JAK1: variants seen among roughly 807,000 people sequenced by gnomAD.
The protein encoded by JAK1 is Janus kinase 1, also known as tyrosine-protein kinase JAK1.
A neutral mutation model predicts 136.6 loss-of-function variants in JAK1; 16 were observed. That is an observed-to-expected ratio of 0.12 (90% CI 0.08 to 0.18). JAK1 has a LOEUF of 0.18. JAK1 is among the 10% of genes least tolerant of loss of function. The pLI is 1.00. For synonymous variants in JAK1, 492 were observed against 519.5 expected, an observed-to-expected ratio of 0.95 and a Z score of 0.72; for missense variants, 859 against 1,450.1, an observed-to-expected ratio of 0.59 and a Z score of 6.62.
At chr1:64,985,408 A>G in intron 2 of JAK1, 1 of 1,610,244 alleles carries the variant, frequency 6.2e-7, no homozygotes, top group East Asian at 2.2e-5. Flanking sequence ...TGGGTGCCCC[A>G]CAACCACTGG....
intron 1 of JAK1, among the ~76,000 whole-genome samples, chr1:64,890,848 C>A (rs765484752): frequency 6.6e-6 from 1 of 152,160 alleles, no homozygotes; most frequent in Non-Finnish European, 1.5e-5. Context: ...TCAGATGACA[C>A]AGCAAAGCAG....
chr1:64,948,115 T>A (rs559977524), intron 1 of JAK1, among the ~76,000 whole-genome samples: 28 of 152,296 alleles, frequency 1.8e-4, no homozygotes, highest in African/African-American at 6.5e-4. Context: ...AGAACTGAGA[T>A]CTTCGATGCA....
Position 64,920,204 on chromosome 1 carries a change from G to A in JAK1, c.-77-33863C>T, listed in dbSNP as rs368334238. On this transcript the variant is annotated intron_variant, in intron 1 of 24. Coordinates refer to ENST00000342505, the MANE Select transcript of JAK1 (RefSeq NM_002227.4). ...AAGTATTTCCAAATCTGAAATTGAC[G>A]GAAACAGGGAAAAGTGGCTTACACA... Among the ~76,000 whole-genome samples the A allele has an allele frequency of 2.4e-4, 36 of 152,166 alleles. 5 individuals carry two copies. Among genetic ancestry groups the A allele is most frequent in the Admixed American group, 3.9e-4 (6 of 15,272 alleles).
chr1:65,043,964 C>T (rs1647160364), intron 2 of JAK1, among the ~76,000 whole-genome samples: 1 of 152,044 alleles, frequency 6.6e-6, no homozygotes, highest in Admixed American at 6.6e-5. Context: ...TCAAGTGATC[C>T]ACCCGCCTTG....
intron 5 of JAK1, among the ~76,000 whole-genome samples, chr1:64,872,645 T>C (rs1657140461): frequency 6.6e-6 from 1 of 152,196 alleles, no homozygotes; most frequent in Non-Finnish European, 1.5e-5. Context: ...CTGAGGCAAA[T>C]AGTACGCAGA....
At chr1:65,022,265 C>G (rs1569894809) in intron 2 of JAK1, among the ~76,000 whole-genome samples, 2 of 151,998 alleles carry the variant, frequency 1.3e-5, no homozygotes, top group Non-Finnish European at 2.9e-5. Context: ...GTGTAATGTC[C>G]CCTCTCCTTT....
intron 6 of JAK1, among the ~76,000 whole-genome samples, chr1:64,868,174 G>A (rs310236): frequency 6.6e-6 from 1 of 152,094 alleles, no homozygotes; most frequent in Admixed American, 6.5e-5. Flanking sequence ...TAGTGGGCGA[G>A]TATCTACAAC....
chr1:64,902,611 T>TGTGTGTG (rs1645128538), intron 1 of JAK1, among the ~76,000 whole-genome samples: 12 of 149,310 alleles, frequency 8.0e-5, no homozygotes, highest in South Asian at 4.3e-4. Flanking sequence ...TGTGTGTGTG[T>TGTGTGTG]TATGGCATGT....
At chr1:64,912,163 A>T (rs999141968) in intron 1 of JAK1, among the ~76,000 whole-genome samples, 5 of 152,156 alleles carry the variant, frequency 3.3e-5, no homozygotes, top group African/African-American at 1.2e-4. Flanking sequence ...CCCTACATCC[A>T]TCAGGGTCTC....
chr1:64,977,035 G>A (rs77742161), intron 2 of JAK1, among the ~76,000 whole-genome samples: 1 of 152,286 alleles, frequency 6.6e-6, no homozygotes, highest in Non-Finnish European at 1.5e-5. Flanking sequence ...TTGCTAAGAA[G>A]TTCAGAATCA....
At chr1:64,941,961 G>GT (rs1186832214) in intron 1 of JAK1, 2 of 152,180 alleles carry the variant, frequency 1.3e-5, no homozygotes, top group Non-Finnish European at 2.9e-5. Context: ...TGGAGCGACT[G>GT]TGTCAGCTTG....
chr1:64,926,706 C>T (rs1248931233), intron 1 of JAK1, among the ~76,000 whole-genome samples: 2 of 152,140 alleles, frequency 1.3e-5, no homozygotes, highest in East Asian at 3.9e-4. Flanking sequence ...CTGGCATGAC[C>T]CAGCCTTCAC....
chr1:64,856,481 G>A (rs774608423), intron 10 of JAK1, among the ~76,000 whole-genome samples: 31 of 152,122 alleles, frequency 2.0e-4, no homozygotes, highest in Non-Finnish European at 4.1e-4. Flanking sequence ...CACAGTGTGC[G>A]GTGGAAGTAA....
chr1:64,865,097 G>C, intron 7 of JAK1, 125 bp from the exon 8 acceptor site: 2 of 714,230 alleles, frequency 2.8e-6, no homozygotes, highest in Non-Finnish European at 4.6e-6. Flanking sequence ...AGCTCTTCTG[G>C]ACTTGCAGGA....
At chr1:64,928,758 C>T (rs1426420681) in intron 1 of JAK1, among the ~76,000 whole-genome samples, 38 of 58,782 alleles carry the variant, frequency 6.5e-4, no homozygotes, top group Non-Finnish European at 9.2e-4. Context: ...CCAAAAGGTT[C>T]TGAGTGCTAT....
chr1:65,053,030 CAAAAAAA>C (rs780968006), intron 1 of JAK1, among the ~76,000 whole-genome samples: 6 of 43,714 alleles, frequency 1.4e-4, no homozygotes, highest in Admixed American at 2.9e-4. Context: ...ACTCTTGTCT[CAAAAAAA>C]AAAAAAAAAA....
At chr1:64,840,931 C>CATCTCTCCCT (rs2100972352) in intron 19 of JAK1, among the ~76,000 whole-genome samples, 1 of 152,284 alleles carries the variant, frequency 6.6e-6, no homozygotes, top group African/African-American at 2.4e-5. Context: ...CCTACTCCCC[C>CATCTCTCCCT]ATCTCTCCCT....
chr1:65,000,053 C>G (rs548061716), intron 2 of JAK1, among the ~76,000 whole-genome samples: 2 of 150,420 alleles, frequency 1.3e-5, no homozygotes, highest in Non-Finnish European at 3.0e-5. Context: ...TGCAGTGGCA[C>G]GATCTTGGGT....
At chr1:64,988,068 A>C (rs41285416) in intron 2 of JAK1, among the ~76,000 whole-genome samples, 7,951 of 152,254 alleles carry the variant, frequency 0.052, 282 homozygotes, top group South Asian at 0.1. Flanking sequence ...CTGGCTCATG[A>C]GAGTCAATTA....
Sources: gnomAD v4.1 joint callset for allele counts (sites outside exome capture counted in the v4.1 genomes callset) on GRCh38, gnomAD v4.1.1 for gene constraint, MANE v1.5 for transcripts, NCBI Gene and HGNC (gene_info 2026-07-23, HGNC 2026-07-21) for gene names.